Variants in ZNF581 observed in about 807,000 individuals in gnomAD.
ZNF581 encodes zinc finger protein 581.
A neutral mutation model predicts 1.2 loss-of-function variants in ZNF581; 1 was observed. That is an observed-to-expected ratio of 0.83 (90% CI 0.30 to 3.95). ZNF581 has a LOEUF of 3.95. ZNF581 is among the 30% of genes most tolerant of loss of function. The probability of loss-of-function intolerance (pLI) is 0.18; values close to 1 mark genes in which losing one functional copy is unlikely to be tolerated. For missense variants in ZNF581, 273 were observed against 274.6 expected, an observed-to-expected ratio of 0.99 and a Z score of 0.04; for synonymous variants, 105 against 109.2, an observed-to-expected ratio of 0.96 and a Z score of 0.24.
chr19:55,635,535 C>A, exon 1 of ZNF581: 1 of 335,016 alleles, frequency 3.0e-6, no homozygotes, highest in Non-Finnish European at 4.3e-6. Flanking sequence ...CCCCTCTGCG[C>A]TGTGGAGTGC....
At chr19:55,639,777 C>T (rs140417859), upstream of ZNF581, among the ~76,000 whole-genome samples, 10 of 152,198 alleles carry the variant, frequency 6.6e-5, no homozygotes, top group East Asian at 1.9e-4. Context: ...CCACTACGGC[C>T]GGCTAATTTT....
At chr19:55,637,131 T>G (rs1982140307), upstream of ZNF581, among the ~76,000 whole-genome samples, 1 of 152,008 alleles carries the variant, frequency 6.6e-6, no homozygotes, top group African/African-American at 2.4e-5. Flanking sequence ...TTATTATCAT[T>G]TTTTTTGGAG....
chr19:55,640,039 TG>T, upstream of ZNF581: 1 of 760,834 alleles, frequency 1.3e-6, no homozygotes, highest in Non-Finnish European at 1.6e-6. Flanking sequence ...AAAGTTCTGA[TG>T]GACAGTGCTC....
Position 55,645,146 on chromosome 19 carries a change from C to A in ZNF581, c.575C>A (p.Thr192Lys). 1 of 1,516,980 alleles carries A rather than the reference C, an allele frequency of 6.6e-7. No homozygotes were observed. Among genetic ancestry groups the A allele is most frequent in the Non-Finnish European group, 8.9e-7 (1 of 1,129,790 alleles). 94.0% of individuals were successfully genotyped at this position (1,516,980 alleles called of 1,614,324 possible). A position where few individuals can be genotyped will look rare whatever the true frequency, so the allele number is the denominator to read the frequency against. Residue 192 changes from threonine to lysine, a missense_variant, in exon 2 of 2, where the codon ACG becomes AAG. Coordinates refer to ENST00000270451, the MANE Select transcript of ZNF581 (RefSeq NM_016535.4). Reference sequence around the variant, plus strand: ...GAGCAGAACACACTGCAGAAACACACGCGGTGGAAGCATCCATGAGCCGGG... The same window carrying A: ...GAGCAGAACACACTGCAGAAACACAAGCGGTGGAAGCATCCATGAGCCGGG... ...FMEQNTLQKH[T>K]RWKHP is the part of the protein sequence containing the mutation.
chr19:55,640,699 C>A (rs964342493), upstream of ZNF581: 4 of 985,478 alleles, frequency 4.1e-6, no homozygotes, highest in Non-Finnish European at 4.8e-6. Context: ...CGCCCTCTAC[C>A]TCGGTGGGTG....
At chr19:55,639,006 CAAAAAAAAAAAAAAAAAA>C (rs1982268960), upstream of ZNF581, among the ~76,000 whole-genome samples, 1 of 88,202 alleles carries the variant, frequency 1.1e-5, no homozygotes, top group Non-Finnish European at 2.0e-5. Context: ...ACTCCATCTC[CAAAAAAAAAAAAAAAAAA>C]GAAAAAAAAA....
chr19:55,642,609 G>T (rs1982586048), upstream of ZNF581: 2 of 1,453,030 alleles, frequency 1.4e-6, no homozygotes, highest in Non-Finnish European at 1.8e-6. Context: ...AAGGCGGAAG[G>T]CCCCTCCTCC....
At chr19:55,642,509 A>ATGC (rs1176276730), upstream of ZNF581, 11 of 1,438,072 alleles carry the variant, frequency 7.6e-6, no homozygotes, top group South Asian at 1.6e-5. Context: ...GCCGCTCCAG[A>ATGC]TGCTGCTGCT....
upstream of ZNF581, among the ~76,000 whole-genome samples, chr19:55,638,100 A>G (rs1384222451): frequency 2.0e-5 from 3 of 152,194 alleles, 1 homozygote; most frequent in Non-Finnish European, 2.9e-5. Flanking sequence ...TCTGCAGGCT[A>G]TACAGGACGT....
upstream of ZNF581, chr19:55,640,379 C>G: frequency 1.0e-6 from 1 of 985,508 alleles, no homozygotes. Context: ...GCAGTGCCAG[C>G]CTTTCCCACC....
Position 55,644,983 on chromosome 19 carries a change from C to G in ZNF581, c.412C>G (p.Leu138Val). 1 of 1,606,062 alleles carries G rather than the reference C, an allele frequency of 6.2e-7. No individual in the cohort carries two copies. The highest frequency in any genetic ancestry group is 1.3e-5 in the African/African-American group (1 of 74,916). Reference protein sequence around the residue: ...SHLARHHSIHLAGGGRPHGCP... With the variant: ...SHLARHHSIHVAGGGRPHGCP... ...CTTGGCACGGCACCATTCCATTCAC[C>G]TGGCGGGTGGTGGGCGGCCCCACGG... The change falls in exon 2 of 2, where the codon CTG becomes GTG. Residue 138 changes from leucine (L) to valine (V), a missense_variant. Physicochemically the swap from Leu to Val is conservative, Grantham distance 32. Transcript: ENST00000270451. This position sits in a 1 kb window ranked among gnomAD's most constrained non-coding sequence, Gnocchi z 4.3.
upstream of ZNF581, chr19:55,642,099 AT>A: frequency 1.0e-6 from 1 of 997,236 alleles, no homozygotes; most frequent in Non-Finnish European, 1.2e-6. Flanking sequence ...GAAACCACAG[AT>A]TAGAGAAATC....
chr19:55,636,582 T>A (rs1982105014), upstream of ZNF581, among the ~76,000 whole-genome samples: 1 of 152,046 alleles, frequency 6.6e-6, no homozygotes, highest in Admixed American at 6.6e-5. Flanking sequence ...AGACCTTTGA[T>A]AGATTCTGAG....
At chr19:55,642,808 CTT>C, upstream of ZNF581, 3 of 1,571,376 alleles carry the variant, frequency 1.9e-6, no homozygotes, top group Non-Finnish European at 2.6e-6. Flanking sequence ...GCGCCCGTGT[CTT>C]TGCCAGCCCT....
chr19:55,644,983 C>T lies in ZNF581; in HGVS notation c.412C>T (p.Leu138=), dbSNP rs751467527. The change falls in exon 2 of 2, where the codon CTG becomes TTG. Residue 138 remains leucine, a synonymous_variant. Transcript: ENST00000270451. This position sits in a 1 kb window ranked among gnomAD's most constrained non-coding sequence, Gnocchi z 4.3. ...CTTGGCACGGCACCATTCCATTCAC[C>T]TGGCGGGTGGTGGGCGGCCCCACGG... ...SHLARHHSIH[L]AGGGRPHGCP... 23 of 1,605,944 alleles carry T rather than the reference C, an allele frequency of 1.4e-5. No individual in the cohort carries two copies. Among genetic ancestry groups the T allele is most frequent in the Non-Finnish European group, 1.7e-6 (2 of 1,173,584 alleles).
upstream of ZNF581, chr19:55,642,282 CG>C: frequency 1.6e-6 from 2 of 1,242,512 alleles, no homozygotes; most frequent in Non-Finnish European, 2.0e-6. Flanking sequence ...CAGGTGGTGG[CG>C]GGGTTTTGCA....
rs1445824532 is a variant in ZNF581 at position 55,644,342 on chromosome 19, C to T, written c.-19-211C>T. 6.6e-6 allele frequency among the ~76,000 whole-genome samples: 1 copy of T among 152,040 alleles called. No individual in the cohort carries two copies. Among genetic ancestry groups the T allele is most frequent in the South Asian group, 2.1e-4 (1 of 4,824 alleles). ...GTGAGTACAGTGTATGGTGGAGCACCGAGGCTAGGAGAGGTTTTCCAAGGA... is the reference window on the plus strand; with the variant it reads ...GTGAGTACAGTGTATGGTGGAGCACTGAGGCTAGGAGAGGTTTTCCAAGGA... On this transcript the variant is annotated intron_variant, in intron 1 of 1. Coordinates refer to ENST00000270451, the MANE Select transcript of ZNF581 (RefSeq NM_016535.4). This position sits in a 1 kb window ranked among gnomAD's most constrained non-coding sequence, Gnocchi z 4.3.
upstream of ZNF581, chr19:55,640,219 G>A (rs530840662): frequency 8.1e-6 from 8 of 985,462 alleles, no homozygotes; most frequent in African/African-American, 1.4e-4. Flanking sequence ...GTGCTGCCGC[G>A]TGTGCAGCTC....
At chr19:55,636,848 CAG>C (rs1229310895), upstream of ZNF581, among the ~76,000 whole-genome samples, 1 of 152,106 alleles carries the variant, frequency 6.6e-6, no homozygotes, top group Non-Finnish European at 1.5e-5. Flanking sequence ...AGGAACATCA[CAG>C]AGAGGGGAGG....
Sources: allele counts gnomAD v4.1 joint callset (sites outside exome capture counted in the v4.1 genomes callset), GRCh38; gene constraint gnomAD v4.1.1; non-coding constraint Gnocchi (gnomAD v3.1); transcripts MANE v1.5; gene names NCBI Gene and HGNC (gene_info 2026-07-23, HGNC 2026-07-21).